Variants in SLC9A1 observed in about 807,000 individuals in gnomAD.
The protein encoded by SLC9A1 is sodium/hydrogen exchanger 1.
SLC9A1 carries 22 observed loss-of-function variants against 67.9 expected under a neutral mutation model. The ratio of observed to expected loss-of-function variants is 0.32; its 90% CI spans 0.23 to 0.46. The LOEUF is 0.46. Among genes scored for constraint, SLC9A1 ranks in the 20% least tolerant of loss-of-function variants. SLC9A1 has a pLI of 1.00. For missense variants in SLC9A1, 686 were observed against 1,094.8 expected, an observed-to-expected ratio of 0.63 and a Z score of 5.27; for synonymous variants, 421 against 471.8, an observed-to-expected ratio of 0.89 and a Z score of 1.40.
intron 1 of SLC9A1, among the ~76,000 whole-genome samples, chr1:27,140,555 G>A (rs1029968383): frequency 1.3e-5 from 2 of 152,124 alleles, no homozygotes; most frequent in Non-Finnish European, 2.9e-5. Context: ...GGGCTTTACA[G>A]ACATCACCCC....
chr1:27,138,644 C>T (rs745382035), intron 1 of SLC9A1, among the ~76,000 whole-genome samples: 8 of 152,148 alleles, frequency 5.3e-5, no homozygotes, highest in South Asian at 2.1e-4. Flanking sequence ...AGTCTATGGG[C>T]AGTGCTCCAG....
chr1:27,136,685 C>T (rs910629102), intron 1 of SLC9A1, among the ~76,000 whole-genome samples: 3 of 152,214 alleles, frequency 2.0e-5, no homozygotes, highest in Non-Finnish European at 4.4e-5. Context: ...TCTCCACTCT[C>T]CCCTCAACTC....
At chr1:27,117,877 A>G (rs1332667695) in intron 1 of SLC9A1, among the ~76,000 whole-genome samples, 1 of 152,214 alleles carries the variant, frequency 6.6e-6, no homozygotes, top group Non-Finnish European at 1.5e-5. Flanking sequence ...GAGCCAGGCC[A>G]TATGGGACAC....
chr1:27,146,961 A>G (rs1250892354), intron 1 of SLC9A1, among the ~76,000 whole-genome samples: 1 of 149,690 alleles, frequency 6.7e-6, no homozygotes, highest in African/African-American at 2.5e-5. Flanking sequence ...CATGGCGAAA[A>G]CCCATCTCTA....
At chr1:27,127,023 C>G (rs2083349171) in intron 1 of SLC9A1, among the ~76,000 whole-genome samples, 1 of 152,048 alleles carries the variant, frequency 6.6e-6, no homozygotes, top group South Asian at 2.1e-4. Flanking sequence ...GCAGGGAAAA[C>G]AGAGTCTGGC....
rs111674229 is a variant in SLC9A1 at position 27,120,737 on chromosome 1, C to CA, written c.353-6452dup. ...TGGGCAATAGAGCAAAATTCCATTT[C>CA]AAAAAAAAAAGATAAACTCTCCAGC... On this transcript the variant is annotated intron_variant, in intron 1 of 11. Transcript: ENST00000263980. Among the ~76,000 whole-genome samples the CA allele has an allele frequency of 3.3e-3, 483 of 147,550 alleles. 2 individuals carry two copies. The highest frequency in any genetic ancestry group is 0.014 in the East Asian group (70 of 5,048).
At chr1:27,125,598 C>CA (rs1379191813) in intron 1 of SLC9A1, among the ~76,000 whole-genome samples, 1 of 145,944 alleles carries the variant, frequency 6.9e-6, no homozygotes, top group Non-Finnish European at 1.5e-5. Flanking sequence ...AAGAGTGAAG[C>CA]TTTTTTTTTC....
Position 27,154,137 on chromosome 1 carries a change from C to T in SLC9A1, c.198G>A (p.Glu66=), listed in dbSNP as rs1410616695. The stretch of plus-strand genomic sequence containing the variant: ...TAACAGGGCGGCTCTCTGGGGTGAC[C>T]TCCGGTGGAGCGGTGGTGACATCCC... ...SIGDVTTAPP[E]VTPESRPVNH... The change falls in exon 1 of 12, where the codon GAG becomes GAA. Residue 66 remains glutamate, a synonymous_variant. Coordinates refer to ENST00000263980, the MANE Select transcript of SLC9A1 (RefSeq NM_003047.5). 1.9e-6 allele frequency: 3 copies of T among 1,614,016 alleles called. No homozygotes were observed. The highest frequency in any genetic ancestry group is 1.7e-6 in the Non-Finnish European group (2 of 1,180,012).
At chr1:27,108,336 G>C (rs527955774) in intron 3 of SLC9A1, among the ~76,000 whole-genome samples, 230 of 17,434 alleles carry the variant, frequency 0.013, no homozygotes, top group African/African-American at 0.044. Flanking sequence ...AAAGTGCTGG[G>C]ATTACAGGCG....
rs1288027882 is a variant in SLC9A1, at chr1:27,153,987, C to T, written c.348G>A (p.Lys116=). 1.3e-6 allele frequency: 2 copies of T among 1,552,394 alleles called. No homozygotes were observed. Among genetic ancestry groups the T allele is most frequent in the East Asian group, 2.3e-5 (1 of 44,086 alleles). The change falls in exon 1 of 12, where the codon AAG becomes AAA. Residue 116 remains lysine, a synonymous_variant. Coordinates refer to ENST00000263980, the MANE Select transcript of SLC9A1 (RefSeq NM_003047.5). ...ATCGGAGCAAACGGGACTTACCTAT[C>T]TTCATGAGGCAGGCCAGAAGGATCC... ...SLWILLACLM[K]IGFHVIPTIS... is the part of the protein sequence containing the mutation.
At chr1:27,146,618 A>G (rs1041459069) in intron 1 of SLC9A1, among the ~76,000 whole-genome samples, 19 of 152,144 alleles carry the variant, frequency 1.2e-4, no homozygotes, top group African/African-American at 4.6e-4. Context: ...CTAGATATGA[A>G]TAAGTGGCAG....
intron 1 of SLC9A1, among the ~76,000 whole-genome samples, chr1:27,136,266 C>G (rs944375440): frequency 3.9e-5 from 6 of 152,354 alleles, no homozygotes; most frequent in African/African-American, 1.2e-4. Flanking sequence ...GGGACAGCAG[C>G]CAGGTCCACG....
At chr1:27,135,525 G>GAAAAAA (rs36107223) in intron 1 of SLC9A1, among the ~76,000 whole-genome samples, 1 of 110,050 alleles carries the variant, frequency 9.1e-6, no homozygotes, top group African/African-American at 3.5e-5. Flanking sequence ...CTTTTTTCTG[G>GAAAAAA]AAAAAAAAAA....
At chr1:27,145,016 T>C (rs1435036293) in intron 1 of SLC9A1, among the ~76,000 whole-genome samples, 1 of 143,042 alleles carries the variant, frequency 7.0e-6, no homozygotes, top group African/African-American at 2.7e-5. Flanking sequence ...GCCACTGCAC[T>C]CTGGCACTCC....
In SLC9A1 at chr1:27,138,256, C is replaced by G. The variant is rs575978686; in HGVS notation, c.352+15727G>C. On this transcript the variant is annotated intron_variant, in intron 1 of 11. Transcript: ENST00000263980. ...ACTTCAGGTTCCTCAAGCACACCCC[C>G]CTCAGGGGCCCTGGTCTTTGGAAGA... 5.9e-5 allele frequency among the ~76,000 whole-genome samples: 9 copies of G among 152,344 alleles called. No individual in the cohort carries two copies. The East Asian group carries it at 9.7e-4, about 16-fold the overall frequency.
Position 27,136,422 on chromosome 1 carries a change from C to T in SLC9A1, c.352+17561G>A, listed in dbSNP as rs79748472. Among the ~76,000 whole-genome samples, 902 of 152,324 alleles carry T rather than the reference C, an allele frequency of 5.9e-3. 5 individuals carry two copies. The highest frequency in any genetic ancestry group is 0.017 in the African/African-American group (694 of 41,572). ...CAAGCAGAGCTGGGCCTGGGCTTGG[C>T]CCCGCCCACTGGGCCACACTGCCTC... On this transcript the variant is annotated intron_variant, in intron 1 of 11. Transcript: ENST00000263980.
intron 1 of SLC9A1, among the ~76,000 whole-genome samples, chr1:27,115,650 T>TA (rs1197789075): frequency 4.2e-4 from 64 of 150,612 alleles, no homozygotes; most frequent in African/African-American, 1.4e-3. Context: ...CATCTCCACT[T>TA]AAAAAAAATA....
intron 1 of SLC9A1, among the ~76,000 whole-genome samples, chr1:27,128,380 G>A (rs2083359908): frequency 6.6e-6 from 1 of 152,222 alleles, no homozygotes; most frequent in Non-Finnish European, 1.5e-5. Flanking sequence ...GCCCAGGCCA[G>A]GGGAGGTGGC....
chr1:27,121,735 C>T (rs1029578472), intron 1 of SLC9A1, among the ~76,000 whole-genome samples: 15 of 152,176 alleles, frequency 9.9e-5, no homozygotes, highest in African/African-American at 3.6e-4. Flanking sequence ...TCTACATCAA[C>T]TCCTTGACTC....
Sources: allele counts gnomAD v4.1 joint callset (sites outside exome capture counted in the v4.1 genomes callset), GRCh38; gene constraint gnomAD v4.1.1; transcripts MANE v1.5; gene names NCBI Gene and HGNC (gene_info 2026-07-23, HGNC 2026-07-21).